The following ASCC3 variants were observed in gnomAD, a reference collection of about 807,000 sequenced individuals.
ASCC3 encodes ASC-1 complex subunit P200.
ASCC3 carries 158 observed loss-of-function variants against 256.3 expected under a neutral mutation model. That is an observed-to-expected ratio of 0.62 (90% CI 0.54 to 0.70). The LOEUF (loss-of-function observed/expected upper bound fraction) is 0.70, where lower values mean the gene tolerates loss of function less well. ASCC3 is among the 30% of genes least tolerant of loss of function. The pLI, the probability that ASCC3 is intolerant of heterozygous loss-of-function variation, is 0.00. For synonymous variants in ASCC3, 948 were observed against 883.4 expected (o/e 1.07, Z -1.30); for missense variants, 2,259 against 2,626.0 (o/e 0.86, Z 3.05).
intron 13 of ASCC3, among the ~76,000 whole-genome samples, chr6:100,693,579 A>G (rs1464614948): frequency 1.3e-5 from 2 of 152,218 alleles, no homozygotes; most frequent in African/African-American, 4.8e-5. Flanking sequence ...CTTAGTATAG[A>G]CAATTAGTGT....
At chr6:100,710,278 T>A (rs1778801498) in intron 13 of ASCC3, among the ~76,000 whole-genome samples, 1 of 152,048 alleles carries the variant, frequency 6.6e-6, no homozygotes, top group Non-Finnish European at 1.5e-5. Flanking sequence ...GATGGAGAGG[T>A]GATATTTATC....
chr6:100,653,415 G>A (rs142547200), intron 17 of ASCC3, among the ~76,000 whole-genome samples: 286 of 152,092 alleles, frequency 1.9e-3, no homozygotes, highest in African/African-American at 6.4e-3. Flanking sequence ...CAAGGTGGGC[G>A]GCTCACGAGG....
intron 13 of ASCC3, among the ~76,000 whole-genome samples, chr6:100,693,071 G>C (rs762387809): frequency 6.6e-6 from 1 of 151,854 alleles, no homozygotes; most frequent in Non-Finnish European, 1.5e-5. Flanking sequence ...AAATTATAAA[G>C]ACAGAATATA....
At chr6:100,766,500 A>T in intron 10 of ASCC3, 65 bp downstream of exon 10, 1 of 1,471,682 alleles carries the variant, frequency 6.8e-7, no homozygotes, top group Non-Finnish European at 9.5e-7. Context: ...ATAGTCATTT[A>T]ATAATTTTCA....
intron 26 of ASCC3, among the ~76,000 whole-genome samples, chr6:100,630,620 C>G (rs547641468): frequency 2.0e-5 from 3 of 151,182 alleles, no homozygotes; most frequent in African/African-American, 7.3e-5. Flanking sequence ...ACTGGAAATT[C>G]GTTTCTCTGT....
chr6:100,723,794 T>A (rs1158708941), intron 11 of ASCC3, among the ~76,000 whole-genome samples: 1 of 148,120 alleles, frequency 6.8e-6, no homozygotes. Flanking sequence ...GGGCAAAAGA[T>A]GTTTATGGGA....
At chr6:100,595,897 TTC>T (rs1772268802) in intron 34 of ASCC3, among the ~76,000 whole-genome samples, 1 of 152,206 alleles carries the variant, frequency 6.6e-6, no homozygotes, top group Non-Finnish European at 1.5e-5. Flanking sequence ...TTTTATAAAT[TTC>T]TTTCCTATAT....
At chr6:100,852,275 G>A (rs1190347863) in intron 3 of ASCC3, among the ~76,000 whole-genome samples, 2 of 152,176 alleles carry the variant, frequency 1.3e-5, no homozygotes, top group African/African-American at 4.8e-5. Context: ...AAATGTAATT[G>A]GAAGGGAAAC....
chr6:100,786,305 G>A (rs1417005875), intron 8 of ASCC3, among the ~76,000 whole-genome samples: 2 of 152,108 alleles, frequency 1.3e-5, no homozygotes, highest in Non-Finnish European at 1.5e-5. Flanking sequence ...TAAATTGTTA[G>A]ATATAATGCG....
In ASCC3 at chr6:100,629,224, A is replaced by T. The variant is rs751371656; in HGVS notation, c.4209-43T>A. The T allele has an allele frequency of 4.4e-6, 7 of 1,583,992 alleles. No individual in the cohort carries two copies. In the South Asian group the frequency reaches 7.8e-5, roughly 18 times the overall value. On this transcript the variant is annotated intron_variant, in intron 26 of 41. Transcript: ENST00000369162. ...AATGATCCCAGAAACTTTTCAGGTA[A>T]CAAATGACCTTGGAAATGCAAAAAC...
At chr6:100,563,474 T>C (rs570917003) in intron 36 of ASCC3, among the ~76,000 whole-genome samples, 6 of 152,172 alleles carry the variant, frequency 3.9e-5, no homozygotes, top group African/African-American at 7.2e-5. Context: ...ATTTATGATG[T>C]TTCCTTTTTA....
Position 100,662,020 on chromosome 6 carries a change from A to G in ASCC3, c.2489T>C (p.Ile830Thr), listed in dbSNP as rs1562207669. The change falls in exon 16 of 42, where the codon ATA becomes ACA. Residue 830 changes from isoleucine (I) to threonine (T), a missense_variant. Ile to Thr is a moderately conservative substitution (Grantham distance 89). Around this residue, in one of 2 missense-constraint regions of ASCC3, gnomAD observed 1,839 missense variants for 2,206.7 expected, o/e 0.83. Transcript: ENST00000369162. The part of the protein sequence containing the change: ...AHAVIIKGTQ[I>T]YAAKRGSFVD... ...AAAGGAGCCTCTTTTTGCAGCATATATTTGTGTTCCCTAGATGAGGAAAAG... is the reference window on the plus strand; with the variant it reads ...AAAGGAGCCTCTTTTTGCAGCATATGTTTGTGTTCCCTAGATGAGGAAAAG... 6.2e-7 allele frequency: 1 copy of G among 1,613,150 alleles called. No homozygotes were observed. Among genetic ancestry groups the G allele is most frequent in the East Asian group, 2.2e-5 (1 of 44,852 alleles).
chr6:100,680,096 T>C (rs147001176), intron 13 of ASCC3, among the ~76,000 whole-genome samples: 10 of 152,310 alleles, frequency 6.6e-5, no homozygotes, highest in African/African-American at 1.9e-4. Context: ...ATTACTACCA[T>C]CAGTTAAATT....
At chr6:100,738,801 A>G (rs552358844) in intron 10 of ASCC3, among the ~76,000 whole-genome samples, 4 of 152,286 alleles carry the variant, frequency 2.6e-5, no homozygotes, top group African/African-American at 7.2e-5. Context: ...TTATCCTGAG[A>G]TATTGCTAAA....
chr6:100,683,523 T>C (rs758879612), intron 13 of ASCC3, among the ~76,000 whole-genome samples: 3 of 151,874 alleles, frequency 2.0e-5, no homozygotes, highest in African/African-American at 4.8e-5. Context: ...TTTGGGTCTC[T>C]ATAAACACAC....
At chr6:100,523,846 T>C (rs1254264936) in intron 37 of ASCC3, among the ~76,000 whole-genome samples, 1 of 152,198 alleles carries the variant, frequency 6.6e-6, no homozygotes, top group Non-Finnish European at 1.5e-5. Flanking sequence ...ATCTTCTACA[T>C]TTCATATTAA....
intron 10 of ASCC3, among the ~76,000 whole-genome samples, chr6:100,760,686 T>C (rs1781381213): frequency 6.6e-6 from 1 of 152,058 alleles, no homozygotes; most frequent in African/African-American, 2.4e-5. Context: ...ATAACCTAAG[T>C]TAAAAACTAA....
chr6:100,832,499 T>C (rs777687451), intron 4 of ASCC3, among the ~76,000 whole-genome samples: 9 of 152,066 alleles, frequency 5.9e-5, no homozygotes, highest in Non-Finnish European at 1.0e-4. Flanking sequence ...AAATCATGAA[T>C]ATAAGAAAGG....
At chr6:100,511,108 C>CT (rs577871623) in intron 40 of ASCC3, among the ~76,000 whole-genome samples, 75 of 152,046 alleles carry the variant, frequency 4.9e-4, no homozygotes, top group African/African-American at 1.7e-3. Flanking sequence ...GTAATTATTA[C>CT]TTTTTTTTAT....
Sources: allele counts gnomAD v4.1 joint callset (sites outside exome capture counted in the v4.1 genomes callset), GRCh38; gene constraint gnomAD v4.1.1; regional missense constraint gnomAD v4.1.1; transcripts MANE v1.5; gene names NCBI Gene and HGNC (gene_info 2026-07-23, HGNC 2026-07-21).